The following RALGAPA2 variants were observed in gnomAD, a reference collection of about 807,000 sequenced individuals.
The protein encoded by RALGAPA2 is ral GTPase-activating protein subunit alpha-2.
In RALGAPA2, 139 loss-of-function variants were observed where a neutral mutation model predicts 230.4. The observed-to-expected ratio is 0.60, with a 90% CI of 0.53 to 0.69. The LOEUF is 0.69. Ranked by LOEUF, RALGAPA2 falls within the 30% of genes least tolerant of loss-of-function variation. RALGAPA2 has a pLI of 0.00. For synonymous variants in RALGAPA2, 847 were observed against 837.8 expected, an observed-to-expected ratio of 1.01 and a Z score of -0.19; for missense variants, 2,163 against 2,276.0, an observed-to-expected ratio of 0.95 and a Z score of 1.01.
intron 37 of RALGAPA2, among the ~76,000 whole-genome samples, chr20:20,431,247 C>A (rs904268869): frequency 1.3e-5 from 2 of 152,084 alleles, no homozygotes; most frequent in Non-Finnish European, 2.9e-5. Flanking sequence ...TGGAGAGAGG[C>A]CGGAGTCTAG....
At chr20:20,462,941 T>C (rs1190919399) in intron 37 of RALGAPA2, among the ~76,000 whole-genome samples, 2 of 152,240 alleles carry the variant, frequency 1.3e-5, no homozygotes, top group Non-Finnish European at 2.9e-5. Context: ...GGATGCTGTT[T>C]ATGGCATTCT....
chr20:20,649,095 T>C (rs2067311271), intron 4 of RALGAPA2, among the ~76,000 whole-genome samples: 1 of 152,078 alleles, frequency 6.6e-6, no homozygotes, highest in African/African-American at 2.4e-5. Context: ...ACCAGGTGAG[T>C]TGGCCCCTAA....
chr20:20,540,212 T>C (rs903054356), intron 24 of RALGAPA2, among the ~76,000 whole-genome samples: 4 of 152,194 alleles, frequency 2.6e-5, no homozygotes, highest in Non-Finnish European at 5.9e-5. Context: ...CTGCAGCAAT[T>C]TACCTTCCCA....
At chr20:20,611,638 C>T (rs1176927389) in intron 13 of RALGAPA2, among the ~76,000 whole-genome samples, 2 of 152,178 alleles carry the variant, frequency 1.3e-5, no homozygotes, top group Non-Finnish European at 2.9e-5. Flanking sequence ...ACATGCCTCC[C>T]ATGTCCACAC....
At chr20:20,550,579 G>A (rs1393618606) in intron 23 of RALGAPA2, among the ~76,000 whole-genome samples, 1 of 152,194 alleles carries the variant, frequency 6.6e-6, no homozygotes, top group East Asian at 1.9e-4. Flanking sequence ...ATTCAGCGCT[G>A]CCTCCACTGA....
chr20:20,478,295 A>G (rs1292226001), intron 36 of RALGAPA2, among the ~76,000 whole-genome samples: 1 of 152,220 alleles, frequency 6.6e-6, no homozygotes, highest in East Asian at 1.9e-4. Context: ...TGAAATGCTC[A>G]TATTAGAAAG....
intron 1 of RALGAPA2, among the ~76,000 whole-genome samples, chr20:20,691,689 C>G (rs752949293): frequency 2.0e-5 from 3 of 152,174 alleles, no homozygotes; most frequent in Non-Finnish European, 4.4e-5. Context: ...CCCATGTAAT[C>G]TGTGTCCAAG....
Position 20,573,055 on chromosome 20 carries a change from G to GCA in RALGAPA2, c.2719_2720dup (p.Leu908AlafsTer8). 3 of 1,604,990 alleles carry GCA rather than the reference G, an allele frequency of 1.9e-6. No homozygotes were observed. Among genetic ancestry groups the GCA allele is most frequent in the Non-Finnish European group, 2.6e-6 (3 of 1,175,402 alleles). Reference sequence around the variant, plus strand: ...CGATTATACTACAGTCATCTGTGAGGCACTCGCTGCTATCTATGCAGAAAA... The same window carrying GCA: ...CGATTATACTACAGTCATCTGTGAGGCACACTCGCTGCTATCTATGCAGAAAA... On this transcript the variant is annotated frameshift_variant, in exon 21 of 40. Coordinates refer to ENST00000202677, the MANE Select transcript of RALGAPA2 (RefSeq NM_020343.4). LOFTEE classifies it high-confidence loss of function.
In RALGAPA2 at chr20:20,550,836, T is replaced by C. The variant is rs527706849; in HGVS notation, c.3157-4004A>G. On this transcript the variant is annotated intron_variant, in intron 23 of 39. Coordinates refer to ENST00000202677, the MANE Select transcript of RALGAPA2 (RefSeq NM_020343.4). ...ATAAAGAAGTAAGTAGAATAGCAAG[T>C]AAATAATTATTTTTCAAAAAGAGAA... Among the ~76,000 whole-genome samples the C allele has an allele frequency of 5.9e-4, 90 of 152,326 alleles. 1 individual carries two copies. Among genetic ancestry groups the C allele is most frequent in the Non-Finnish European group, 1.1e-3 (75 of 68,024 alleles).
intron 26 of RALGAPA2, among the ~76,000 whole-genome samples, chr20:20,534,227 G>A (rs981201334): frequency 2.0e-5 from 3 of 152,060 alleles, no homozygotes; most frequent in Admixed American, 6.6e-5. Context: ...GGCAGATCAC[G>A]AAGTCAGGAG....
chr20:20,466,075 C>T (rs2061415392), intron 37 of RALGAPA2, among the ~76,000 whole-genome samples: 1 of 152,192 alleles, frequency 6.6e-6, no homozygotes. Context: ...ATGGTGGGTG[C>T]CATGGTGGTG....
chr20:20,676,012 C>T (rs1005472253), intron 3 of RALGAPA2, among the ~76,000 whole-genome samples: 1 of 151,612 alleles, frequency 6.6e-6, no homozygotes, highest in Non-Finnish European at 1.5e-5. Context: ...CATCTAGGTA[C>T]CCATACAGGA....
At chr20:20,588,994 G>A (rs932224234) in intron 18 of RALGAPA2, among the ~76,000 whole-genome samples, 13 of 152,082 alleles carry the variant, frequency 8.5e-5, no homozygotes, top group Admixed American at 6.5e-4. Context: ...GGTTTAACAG[G>A]CAAAGGTAAC....
At chr20:20,502,841 A>G (rs2062417545) in intron 35 of RALGAPA2, among the ~76,000 whole-genome samples, 1 of 152,186 alleles carries the variant, frequency 6.6e-6, no homozygotes, top group African/African-American at 2.4e-5. Flanking sequence ...CTTTTAACAC[A>G]GGGTTGCCTG....
At chr20:20,528,903 C>G (rs554645087) in intron 27 of RALGAPA2, among the ~76,000 whole-genome samples, 1 of 152,364 alleles carries the variant, frequency 6.6e-6, no homozygotes, top group Admixed American at 6.5e-5. Context: ...ACTGCCTCCT[C>G]TTTCTCCATC....
At chr20:20,622,566 CAG>C (rs1006975245) in intron 10 of RALGAPA2, among the ~76,000 whole-genome samples, 2 of 152,170 alleles carry the variant, frequency 1.3e-5, no homozygotes, top group African/African-American at 4.8e-5. Context: ...GATTCATGTG[CAG>C]AGGGCTGCCA....
intron 23 of RALGAPA2, among the ~76,000 whole-genome samples, chr20:20,569,143 A>G (rs1315246509): frequency 2.0e-5 from 3 of 152,228 alleles, no homozygotes; most frequent in East Asian, 3.8e-4. Context: ...AACAACCACT[A>G]TGATCTATTT....
At chr20:20,710,078 G>C (rs1024553693) in intron 1 of RALGAPA2, among the ~76,000 whole-genome samples, 1 of 152,170 alleles carries the variant, frequency 6.6e-6, no homozygotes, top group Non-Finnish European at 1.5e-5. Context: ...GACAGGCTAC[G>C]TAACTAGCTC....
chr20:20,467,512 C>A (rs1002887825), intron 37 of RALGAPA2, among the ~76,000 whole-genome samples: 1 of 152,132 alleles, frequency 6.6e-6, no homozygotes, highest in Non-Finnish European at 1.5e-5. Flanking sequence ...ATTATTTGTT[C>A]TACAGCCAGA....
Sources: gnomAD v4.1 joint callset for allele counts (sites outside exome capture counted in the v4.1 genomes callset) on GRCh38, gnomAD v4.1.1 for gene constraint, MANE v1.5 for transcripts, NCBI Gene and HGNC (gene_info 2026-07-23, HGNC 2026-07-21) for gene names.